The following ZYG11B variants were observed in gnomAD, a reference collection of about 807,000 sequenced individuals.
ZYG11B encodes the protein protein zyg-11 homolog B.
ZYG11B carries 36 observed loss-of-function variants against 82.4 expected under a neutral mutation model. That is an observed-to-expected ratio of 0.44 (90% confidence interval 0.33 to 0.58). The LOEUF is 0.58. ZYG11B is among the 20% of genes least tolerant of loss of function. The probability of loss-of-function intolerance (pLI) is 0.02; values close to 1 mark genes in which losing one functional copy is unlikely to be tolerated. For missense variants in ZYG11B, 552 were observed against 895.6 expected, an observed-to-expected ratio of 0.62 and a Z score of 4.90; for synonymous variants, 303 against 312.8, an observed-to-expected ratio of 0.97 and a Z score of 0.33.
chr1:52,797,133 TTTATATATTATATATTATATATTTATATA>T (rs1645023351), intron 8 of ZYG11B, among the ~76,000 whole-genome samples: 2 of 74,298 alleles, frequency 2.7e-5, no homozygotes, highest in Admixed American at 4.9e-4. Context: ...ATATTATATA[TTTATATATTATATATTATATATTTATATA>T]TTATATATTA....
At chr1:52,735,853 T>TA (rs1436855429) in intron 1 of ZYG11B, among the ~76,000 whole-genome samples, 1 of 152,164 alleles carries the variant, frequency 6.6e-6, no homozygotes, top group African/African-American at 2.4e-5. Flanking sequence ...CCTGTGAAGA[T>TA]ACCTTTTTAA....
chr1:52,779,970 A>G lies in ZYG11B; in HGVS notation c.1069A>G (p.Lys357Glu). The G allele has an allele frequency of 1.9e-6, 3 of 1,613,902 alleles. No homozygotes were observed. Among genetic ancestry groups the G allele is most frequent in the Non-Finnish European group, 2.5e-6 (3 of 1,179,966 alleles). The change falls in exon 4 of 14, where the codon AAA becomes GAA. Residue 357 changes from lysine to glutamate, a missense_variant. Around this residue, in one of 3 missense-constraint regions of ZYG11B, gnomAD observed 359 missense variants for 555.8 expected, o/e 0.65. Coordinates refer to ENST00000294353, the MANE Select transcript of ZYG11B (RefSeq NM_024646.3). ...HLFSLTHVMEKTKPEILKLVV... is the reference protein window; with the variant it reads ...HLFSLTHVMEETKPEILKLVV... ...TTTTAGTCTGACTCATGTGATGGAA[A>G]AAACAAAGCCAGAAATTTTAAAGGT...
At position 52,771,909 on chromosome 1, in the gene ZYG11B, G is replaced by A. The variant is rs1254018524; in HGVS notation, c.951+135G>A. Reference sequence around the variant, plus strand: ...GCTGCATATAGTTGAAAGGCTTAGAGTCCTAATTAAAATCTCAGCTTCATG... The same window carrying A: ...GCTGCATATAGTTGAAAGGCTTAGAATCCTAATTAAAATCTCAGCTTCATG... On this transcript the variant is annotated intron_variant, in intron 3 of 13. Transcript: ENST00000294353. This position sits in a 1 kb window ranked among gnomAD's most constrained non-coding sequence, Gnocchi z 5.4. The A allele has an allele frequency of 1.8e-6, 2 of 1,100,332 alleles. No homozygotes were observed. The highest frequency in any genetic ancestry group is 5.0e-5 in the East Asian group (2 of 40,336). The allele number at this position is 1,100,332 out of a possible 1,614,324, so 68.2% of individuals were successfully genotyped here. A position where few individuals can be genotyped will look rare whatever the true frequency, so the allele number is the denominator to read the frequency against.
intron 10 of ZYG11B, among the ~76,000 whole-genome samples, chr1:52,811,773 G>A (rs1365129202): frequency 6.6e-6 from 1 of 151,950 alleles, no homozygotes; most frequent in Non-Finnish European, 1.5e-5. Flanking sequence ...GCGCATGCCT[G>A]TAATCCCAGC....
rs1484559178 is a variant in ZYG11B, at chr1:52,823,768, A to G, written c.*2139A>G. On this transcript the variant is annotated 3_prime_UTR_variant, in exon 14 of 14. Coordinates refer to ENST00000294353, the MANE Select transcript of ZYG11B (RefSeq NM_024646.3). ...ACAAATTATTTTCAGAAATGGCTAA[A>G]AGTGTACAGAAAACAGTAAATCCCT... is the stretch of plus-strand genomic sequence containing the variant. The G allele has an allele frequency of 6.6e-6, 1 of 152,202 alleles. No individual in the cohort carries two copies. Among genetic ancestry groups the G allele is most frequent in the East Asian group, 1.9e-4 (1 of 5,194 alleles). 9.4% of individuals were successfully genotyped at this position (152,202 alleles called of 1,614,324 possible).
chr1:52,774,444 A>T (rs1023654133), intron 3 of ZYG11B, among the ~76,000 whole-genome samples: 1 of 151,068 alleles, frequency 6.6e-6, no homozygotes, highest in African/African-American at 2.4e-5. Flanking sequence ...AGTAGCTGGG[A>T]TTACAGGTGC....
rs189281826 is a variant in ZYG11B, at chr1:52,810,810, G to A, written c.1696-2726G>A. On this transcript the variant is annotated intron_variant, in intron 10 of 13. Transcript: ENST00000294353. ...AACACTTTAGGAGGCCAAGGCGGGC[G>A]GATCACCTGAGGTCAGGAGTTCAAG... is the stretch of plus-strand genomic sequence containing the variant. Among the ~76,000 whole-genome samples the A allele has an allele frequency of 2.9e-3, 442 of 152,086 alleles. 4 individuals are homozygous for A. The highest frequency in any genetic ancestry group is 9.5e-3 in the African/African-American group (395 of 41,512).
At chr1:52,743,853 G>A (rs911313034) in intron 1 of ZYG11B, among the ~76,000 whole-genome samples, 1 of 152,072 alleles carries the variant, frequency 6.6e-6, no homozygotes, top group Non-Finnish European at 1.5e-5. Flanking sequence ...TTCCAGTCCT[G>A]CAAGCTCCAT....
Position 52,726,554 on chromosome 1 carries a change from C to A in ZYG11B, c.-100C>A. On this transcript the variant is annotated 5_prime_UTR_variant, in exon 1 of 14. Transcript: ENST00000294353. ...AAGAGGCCGAGGCCTGGGCCAAGCC[C>A]GGAGCCGCCGCTCGCCGGAGCCTCC... 1 of 1,221,128 alleles carries A rather than the reference C, an allele frequency of 8.2e-7. No individual in the cohort carries two copies. The highest frequency in any genetic ancestry group is 1.1e-6 in the Non-Finnish European group (1 of 950,742). 75.6% of individuals were successfully genotyped at this position (1,221,128 alleles called of 1,614,324 possible).
rs760756606 is a variant in ZYG11B, at chr1:52,813,521, C to CT, written c.1696-5dup. 11,374 of 1,314,736 alleles carry CT rather than the reference C, an allele frequency of 8.7e-3. No individual in the cohort carries two copies. Among genetic ancestry groups the CT allele is most frequent in the Non-Finnish European group, 9.3e-3 (8,963 of 962,722 alleles). The allele number at this position is 1,314,736 out of a possible 1,614,324, so 81.4% of individuals were successfully genotyped here. On this transcript the variant is annotated splice_polypyrimidine_tract_variant and intron_variant, in intron 10 of 13. Transcript: ENST00000294353. ...CATATTACATTAATTTTTATATTTT[C>CT]TTTTTTTTTTCCAGAACAATATAGC... is the stretch of plus-strand genomic sequence containing the variant.
chr1:52,810,339 G>A (rs898908356), intron 10 of ZYG11B, among the ~76,000 whole-genome samples: 10 of 152,220 alleles, frequency 6.6e-5, no homozygotes, highest in African/African-American at 1.9e-4. Context: ...CAGCTTCCTT[G>A]TGTTCATTTT....
At chr1:52,758,006 C>CCTGA (rs1644594222) in intron 2 of ZYG11B, among the ~76,000 whole-genome samples, 1 of 151,742 alleles carries the variant, frequency 6.6e-6, no homozygotes. Context: ...TCGAGACCAG[C>CCTGA]CTGACCCACG....
At chr1:52,802,340 C>CTTT (rs397980205) in intron 10 of ZYG11B, among the ~76,000 whole-genome samples, 144 of 78,068 alleles carry the variant, frequency 1.8e-3, no homozygotes, top group Non-Finnish European at 2.8e-3. Flanking sequence ...TTCTTTCTCT[C>CTTT]TTTTTTTTTT....
At chr1:52,797,453 C>CATATGATATATATATT (rs1278092375) in intron 8 of ZYG11B, among the ~76,000 whole-genome samples, 8 of 56,862 alleles carry the variant, frequency 1.4e-4, no homozygotes, top group South Asian at 5.2e-4. Context: ...TATTATATAT[C>CATATGATATATATATT]ATATATGATA....
intron 13 of ZYG11B, among the ~76,000 whole-genome samples, chr1:52,818,724 A>G (rs1306455148): frequency 1.3e-5 from 2 of 151,840 alleles, no homozygotes; most frequent in African/African-American, 4.8e-5. Flanking sequence ...CTTATATAGG[A>G]TATGTGAGAG....
chr1:52,799,261 G>A (rs763400783), intron 8 of ZYG11B, among the ~76,000 whole-genome samples: 10 of 152,104 alleles, frequency 6.6e-5, no homozygotes, highest in Non-Finnish European at 1.3e-4. Context: ...GCCGAGGCGG[G>A]TGGATCACAA....
At chr1:52,730,110 A>G (rs1296231074) in intron 1 of ZYG11B, among the ~76,000 whole-genome samples, 1 of 152,056 alleles carries the variant, frequency 6.6e-6, no homozygotes, top group Non-Finnish European at 1.5e-5. Flanking sequence ...AAAAGTTTGC[A>G]TTTCTGTCAA....
chr1:52,752,349 C>T (rs1452709085), intron 1 of ZYG11B, among the ~76,000 whole-genome samples: 2 of 152,198 alleles, frequency 1.3e-5, no homozygotes, highest in Admixed American at 6.5e-5. Flanking sequence ...AGCTTCCATG[C>T]CTCCTCCAGC....
rs116815657 is a variant in ZYG11B at position 52,734,126 on chromosome 1, T to G, written c.30+7443T>G. On this transcript the variant is annotated intron_variant, in intron 1 of 13. Transcript: ENST00000294353. ...TGATCTCTTGCTTCATCCTCCTGAG[T>G]TGCTGGGACCACAGGCATATGCCAG... Among the ~76,000 whole-genome samples the G allele has an allele frequency of 6.4e-3, 967 of 152,192 alleles. 14 individuals are homozygous for G. Among genetic ancestry groups the G allele is most frequent in the African/African-American group, 0.022 (929 of 41,502 alleles).
Sources: allele counts gnomAD v4.1 joint callset (sites outside exome capture counted in the v4.1 genomes callset), GRCh38; gene constraint gnomAD v4.1.1; regional missense constraint gnomAD v4.1.1; non-coding constraint Gnocchi (gnomAD v3.1); transcripts MANE v1.5; gene names NCBI Gene and HGNC (gene_info 2026-07-23, HGNC 2026-07-21).